The following VPS8 variants were observed in gnomAD, a reference collection of about 807,000 sequenced individuals.
The protein encoded by VPS8 is VPS8 subunit of CORVET complex.
Under a neutral mutation model 216.4 loss-of-function variants are expected in VPS8, and 129 were observed. That is an observed-to-expected ratio of 0.60 (90% confidence interval 0.52 to 0.69). VPS8 has a LOEUF of 0.69. Among genes scored for constraint, VPS8 ranks in the 30% least tolerant of loss-of-function variants. The pLI, the probability that VPS8 is intolerant of heterozygous loss-of-function variation, is 0.00. For synonymous variants in VPS8, 571 were observed against 565.4 expected, an observed-to-expected ratio of 1.01 and a Z score of -0.14; for missense variants, 1,531 against 1,683.5, an observed-to-expected ratio of 0.91 and a Z score of 1.59.
At position 184,852,374 on chromosome 3, in the gene VPS8, T is replaced by G. The variant is rs73885603; in HGVS notation, c.754-126T>G. ...AGTTTAGAGTGATGAGCACTGAATC[T>G]AGTTTAGGTTATTTCAAAAGCTATT... On this transcript the variant is annotated intron_variant, in intron 10 of 47. Coordinates refer to ENST00000625842, the MANE Select transcript of VPS8 (RefSeq NM_001009921.3). 7.4e-4 allele frequency: 521 copies of G among 703,026 alleles called. 2 individuals are homozygous for G. In the African/African-American group the frequency reaches 8.5e-3, roughly 11 times the overall value. 43.5% of individuals were successfully genotyped at this position (703,026 alleles called of 1,614,324 possible).
intron 44 of VPS8, among the ~76,000 whole-genome samples, chr3:184,998,130 G>A (rs1752867935): frequency 6.6e-6 from 1 of 152,114 alleles, no homozygotes; most frequent in Admixed American, 6.6e-5. Context: ...GTAGGAGCTG[G>A]CCCAAGTCTA....
chr3:184,839,106 C>T (rs1721642988), intron 6 of VPS8: 2 of 215,422 alleles, frequency 9.3e-6, no homozygotes, highest in African/African-American at 4.7e-5. Flanking sequence ...GAAAATAGTA[C>T]ATTTAACAGC....
Position 184,964,485 on chromosome 3 carries a change from A to G in VPS8, c.3201A>G (p.Gln1067=), listed in dbSNP as rs1036066347. 2.0e-6 allele frequency: 3 copies of G among 1,509,082 alleles called. No homozygotes were observed. The highest frequency in any genetic ancestry group is 2.7e-6 in the Non-Finnish European group (3 of 1,122,942). The allele number at this position is 1,509,082 out of a possible 1,614,324, so 93.5% of individuals were successfully genotyped here. A position where few individuals can be genotyped will look rare whatever the true frequency, so the allele number is the denominator to read the frequency against. The change falls in exon 38 of 48, where the codon CAA becomes CAG. Residue 1067 remains glutamine (Q), a synonymous_variant. Transcript: ENST00000625842. ...TTTCCTAGATTACTCAGAAGTATCA[A>G]CTTCATGAAGTCACCGCTTATCTAT... The part of the protein sequence containing the change: ...EETIQITQKY[Q]LHEVTAYLLE...
chr3:185,050,654 CAT>C (rs1199166983), intron 47 of VPS8, among the ~76,000 whole-genome samples: 4 of 152,250 alleles, frequency 2.6e-5, no homozygotes, highest in Non-Finnish European at 2.9e-5. Flanking sequence ...AAATAACACA[CAT>C]GTCAAGGATC....
At chr3:184,943,093 G>A (rs182746822) in intron 36 of VPS8, among the ~76,000 whole-genome samples, 62 of 152,192 alleles carry the variant, frequency 4.1e-4, no homozygotes, top group Admixed American at 3.1e-3. Context: ...ACTTCTTCAA[G>A]CTCTTTGCAT....
At chr3:184,982,328 G>A (rs1050284012) in intron 40 of VPS8, 5 of 476,282 alleles carry the variant, frequency 1.0e-5, no homozygotes, top group Non-Finnish European at 1.8e-5. Context: ...GCCTCCTTAC[G>A]TTTCCCAGGG....
At chr3:184,974,876 G>C (rs1749009230) in intron 40 of VPS8, among the ~76,000 whole-genome samples, 1 of 152,038 alleles carries the variant, frequency 6.6e-6, no homozygotes, top group South Asian at 2.1e-4. Flanking sequence ...CAAATATGTG[G>C]ATTTATTTCT....
At chr3:184,813,058 A>G (rs1715508293) in intron 1 of VPS8, among the ~76,000 whole-genome samples, 1 of 152,134 alleles carries the variant, frequency 6.6e-6, no homozygotes, top group Non-Finnish European at 1.5e-5. Context: ...GAAGGAGGGA[A>G]ACAGCTGCTC....
rs150791662 is a variant in VPS8, at chr3:184,997,853, T to C, written c.3836+1352T>C. ...TACATGAATAAAAAACAAGCTATGC[T>C]ATAGAGGAAAAGGAATGTTGGGAGC... On this transcript the variant is annotated intron_variant, in intron 44 of 47. Coordinates refer to ENST00000625842, the MANE Select transcript of VPS8 (RefSeq NM_001009921.3). Among the ~76,000 whole-genome samples the C allele has an allele frequency of 1.4e-4, 21 of 152,236 alleles. No individual in the cohort carries two copies. The East Asian group carries it at 3.9e-3, about 28-fold the overall frequency.
chr3:184,971,649 A>T lies in VPS8; in HGVS notation c.3317A>T (p.Asn1106Ile), dbSNP rs757812866. The T allele has an allele frequency of 9.9e-6, 16 of 1,609,584 alleles. No homozygotes were observed. The highest frequency in any genetic ancestry group is 1.3e-5 in the Non-Finnish European group (15 of 1,177,122). The change falls in exon 40 of 48, where the codon AAT (asparagine) becomes ATT (isoleucine). Residue 1106 changes from asparagine (N) to isoleucine (I), a missense_variant and splice_region_variant. By Grantham distance (149) the Asn-to-Ile change is moderately radical (BLOSUM62 -3). This residue lies in a region of VPS8 where 1,318 missense variants were observed against 1,468.4 expected (regional missense o/e 0.90). Transcript: ENST00000625842. Reference protein sequence around the residue: ...KLQEVTHQGENTKEDPSLKDV... With the variant: ...KLQEVTHQGEITKEDPSLKDV... ...ATGTTTACACTTTTTCTAAATCTAG[A>T]TACCAAAGAGGATCCCTCATTGAAG...
chr3:185,033,382 A>G (rs769941445), intron 46 of VPS8, among the ~76,000 whole-genome samples: 12 of 152,202 alleles, frequency 7.9e-5, no homozygotes, highest in Non-Finnish European at 1.8e-4. Flanking sequence ...CGCATAGTAT[A>G]TAGGCTTTCT....
chr3:184,938,645 T>TC (rs1161678235), intron 35 of VPS8, among the ~76,000 whole-genome samples: 11 of 141,516 alleles, frequency 7.8e-5, no homozygotes, highest in South Asian at 2.1e-4. Flanking sequence ...TCTTTTCTTT[T>TC]TTTCTTTTTT....
chr3:184,860,337 C>T (rs1726054320), intron 15 of VPS8, among the ~76,000 whole-genome samples: 1 of 125,788 alleles, frequency 7.9e-6, no homozygotes. Context: ...ATAGTGAGAC[C>T]CTGTCTCTTA....
At chr3:185,017,392 G>T (rs1755957121) in intron 45 of VPS8, among the ~76,000 whole-genome samples, 2 of 152,084 alleles carry the variant, frequency 1.3e-5, no homozygotes, top group Admixed American at 1.3e-4. Flanking sequence ...TCAGTAATCT[G>T]ATTTACCCAA....
At chr3:184,867,080 G>A (rs1727495561) in intron 17 of VPS8, 130 bp downstream of exon 17, 3 of 721,250 alleles carry the variant, frequency 4.2e-6, no homozygotes, top group Non-Finnish European at 6.5e-6. Flanking sequence ...AACCCTTTGT[G>A]GTTAGGTAGG....
In VPS8 at chr3:184,845,498, G is replaced by A. The variant is rs142044656; in HGVS notation, c.541+2253G>A. On this transcript the variant is annotated intron_variant, in intron 8 of 47. Coordinates refer to ENST00000625842, the MANE Select transcript of VPS8 (RefSeq NM_001009921.3). ...GGAGTGGCCAGGCACAGTGGCTCAAGCCTGTAATCCCAGCACTTTGGGAGG... is the reference window on the plus strand; with the variant it reads ...GGAGTGGCCAGGCACAGTGGCTCAAACCTGTAATCCCAGCACTTTGGGAGG... Among the ~76,000 whole-genome samples, 32 of 152,296 alleles carry A rather than the reference G, an allele frequency of 2.1e-4. No individual in the cohort carries two copies. The East Asian group carries it at 6.0e-3, about 28-fold the overall frequency.
chr3:184,893,275 G>A (rs961179317), intron 22 of VPS8: 4 of 1,288,036 alleles, frequency 3.1e-6, no homozygotes, highest in Admixed American at 2.3e-5. Context: ...CCTTTCAGGA[G>A]CTTCCTTGAT....
intron 22 of VPS8, among the ~76,000 whole-genome samples, chr3:184,888,577 G>T (rs991472020): frequency 1.3e-5 from 2 of 152,116 alleles, no homozygotes; most frequent in Non-Finnish European, 1.5e-5. Flanking sequence ...AATAGGTTAT[G>T]AATCAGTTTT....
chr3:184,949,026 C>T (rs1744188485), intron 36 of VPS8, among the ~76,000 whole-genome samples: 1 of 152,072 alleles, frequency 6.6e-6, no homozygotes, highest in African/African-American at 2.4e-5. Context: ...AAAGATTAGT[C>T]TGGGTGAGGT....
Sources: allele counts gnomAD v4.1 joint callset (sites outside exome capture counted in the v4.1 genomes callset), GRCh38; gene constraint gnomAD v4.1.1; regional missense constraint gnomAD v4.1.1; transcripts MANE v1.5; gene names NCBI Gene and HGNC (gene_info 2026-07-23, HGNC 2026-07-21).